The following EPSTI1 variants were observed in gnomAD, a reference collection of about 807,000 sequenced individuals.
The protein encoded by EPSTI1 is epithelial stromal interaction 1.
A neutral mutation model predicts 49.9 loss-of-function variants in EPSTI1; 66 were observed. The observed-to-expected ratio is 1.32, with a 90% CI of 1.08 to 1.62. The LOEUF (loss-of-function observed/expected upper bound fraction) is 1.62. EPSTI1 is among the 40% of genes most tolerant of loss of function. The pLI, the probability that EPSTI1 is intolerant of heterozygous loss-of-function variation, is 0.00. For synonymous variants in EPSTI1, 137 were observed against 130.7 expected, an observed-to-expected ratio of 1.05 and a Z score of -0.33; for missense variants, 394 against 365.5, an observed-to-expected ratio of 1.08 and a Z score of -0.64.
At chr13:42,971,281 T>C (rs1478071961) in intron 1 of EPSTI1, among the ~76,000 whole-genome samples, 2 of 152,186 alleles carry the variant, frequency 1.3e-5, no homozygotes, top group Non-Finnish European at 2.9e-5. Context: ...TCTGTGACAC[T>C]AGGAAGCTGT....
chr13:42,901,892 A>G (rs1043151144), intron 8 of EPSTI1, among the ~76,000 whole-genome samples: 2 of 151,814 alleles, frequency 1.3e-5, no homozygotes, highest in African/African-American at 2.4e-5. Context: ...CATTAGGTAT[A>G]TCTCCCAATG....
chr13:42,946,434 T>C (rs2038919476), intron 6 of EPSTI1, among the ~76,000 whole-genome samples: 1 of 152,046 alleles, frequency 6.6e-6, no homozygotes, highest in African/African-American at 2.4e-5. Flanking sequence ...CTAGAAACAA[T>C]GTTGGAAATT....
At chr13:42,987,212 G>T (rs960925713) in intron 1 of EPSTI1, among the ~76,000 whole-genome samples, 2 of 141,208 alleles carry the variant, frequency 1.4e-5, no homozygotes, top group African/African-American at 6.4e-5. Flanking sequence ...AGTCTGAAGT[G>T]GGGGGCAGTT....
At chr13:42,935,537 T>G (rs1209011981) in intron 6 of EPSTI1, among the ~76,000 whole-genome samples, 3 of 152,234 alleles carry the variant, frequency 2.0e-5, no homozygotes, top group Admixed American at 2.0e-4. Flanking sequence ...GTCCATTAAC[T>G]CTAGCTTCAT....
intron 7 of EPSTI1, chr13:42,919,390 C>T: frequency 6.8e-7 from 1 of 1,472,112 alleles, no homozygotes; most frequent in Non-Finnish European, 9.5e-7. Context: ...GCTCTAAACA[C>T]CAGAAATTTC....
intron 6 of EPSTI1, among the ~76,000 whole-genome samples, chr13:42,947,677 A>C (rs761746418): frequency 6.6e-6 from 1 of 152,196 alleles, no homozygotes; most frequent in Non-Finnish European, 1.5e-5. Context: ...GCTCTTTTAA[A>C]ACCTTGGGGA....
chr13:42,970,521 TA>T, intron 2 of EPSTI1, 90 bp downstream of exon 2: 1 of 1,198,158 alleles, frequency 8.3e-7, no homozygotes, highest in African/African-American at 1.5e-5. Context: ...TGAGTCTATA[TA>T]AATGAGAAAA....
At chr13:42,982,793 T>C (rs79315810) in intron 1 of EPSTI1, among the ~76,000 whole-genome samples, 2 of 75,136 alleles carry the variant, frequency 2.7e-5, no homozygotes, top group Admixed American at 1.5e-4. Context: ...AAGCAAGCCA[T>C]AAAAAATTTC....
intron 5 of EPSTI1, among the ~76,000 whole-genome samples, chr13:42,960,384 A>C (rs1298304576): frequency 6.6e-6 from 1 of 152,220 alleles, no homozygotes; most frequent in Admixed American, 6.5e-5. Flanking sequence ...GTGGGGAGTT[A>C]GGAAAACCTG....
chr13:42,986,804 A>G (rs1298661945), intron 1 of EPSTI1, among the ~76,000 whole-genome samples: 4 of 148,386 alleles, frequency 2.7e-5, no homozygotes, highest in Non-Finnish European at 5.9e-5. Context: ...TTCTGGGGAG[A>G]GGCGGGGGCT....
At chr13:42,960,037 T>C (rs1042122250) in intron 5 of EPSTI1, among the ~76,000 whole-genome samples, 2 of 152,292 alleles carry the variant, frequency 1.3e-5, no homozygotes. Flanking sequence ...GATGTACATA[T>C]GCTATTGCAA....
intron 10 of EPSTI1, chr13:42,889,121 T>C (rs2036952703): frequency 5.7e-6 from 6 of 1,044,268 alleles, no homozygotes; most frequent in East Asian, 2.5e-5. Flanking sequence ...CCTGAAGACA[T>C]AGGATTTAGA....
At chr13:42,896,174 C>T (rs1044013209) in intron 9 of EPSTI1, among the ~76,000 whole-genome samples, 4 of 152,122 alleles carry the variant, frequency 2.6e-5, no homozygotes, top group Non-Finnish European at 5.9e-5. Flanking sequence ...TAGGTCCCAT[C>T]GGGCTGCGGT....
intron 10 of EPSTI1, among the ~76,000 whole-genome samples, chr13:42,891,410 T>C (rs892462869): frequency 1.3e-5 from 2 of 152,240 alleles, no homozygotes; most frequent in Non-Finnish European, 2.9e-5. Flanking sequence ...TTGTATCATT[T>C]TGCATGCCCA....
chr13:42,897,486 G>A (rs2037227183), intron 9 of EPSTI1, among the ~76,000 whole-genome samples: 1 of 152,182 alleles, frequency 6.6e-6, no homozygotes, highest in African/African-American at 2.4e-5. Flanking sequence ...TTTATGGAGT[G>A]TAGCCTGATA....
chr13:42,963,955 G>A (rs2153431384), intron 4 of EPSTI1, 111 bp downstream of exon 4: 1 of 915,562 alleles, frequency 1.1e-6, no homozygotes, highest in Middle Eastern at 3.3e-4. Flanking sequence ...TTTGCAACTG[G>A]TTGGAAGGTT....
intron 9 of EPSTI1, among the ~76,000 whole-genome samples, chr13:42,898,595 A>G (rs1396428045): frequency 1.3e-5 from 2 of 152,058 alleles, no homozygotes; most frequent in African/African-American, 4.8e-5. Context: ...AAAATAACGT[A>G]TAGAAATTAA....
At chr13:42,888,827 G>A (rs1430962102) in intron 10 of EPSTI1, among the ~76,000 whole-genome samples, 2 of 152,190 alleles carry the variant, frequency 1.3e-5, no homozygotes, top group African/African-American at 4.8e-5. Context: ...AGCAAGGACA[G>A]GATGAACACA....
At chr13:42,898,396 A>G (rs2037257492) in intron 9 of EPSTI1, among the ~76,000 whole-genome samples, 1 of 152,224 alleles carries the variant, frequency 6.6e-6, no homozygotes. Context: ...AGCTCATGGC[A>G]CACTTTAAAG....
Sources: gnomAD v4.1 joint callset for allele counts (sites outside exome capture counted in the v4.1 genomes callset) on GRCh38, gnomAD v4.1.1 for gene constraint, MANE v1.5 for transcripts, NCBI Gene and HGNC (gene_info 2026-07-23, HGNC 2026-07-21) for gene names.